The following PKD1L1 variants were observed in gnomAD, a reference collection of about 807,000 sequenced individuals.
The protein encoded by PKD1L1 is polycystin 1 like 1, transient receptor potential channel interacting, also known as polycystin-1-like protein 1.
In PKD1L1, 236 loss-of-function variants were observed where a neutral mutation model predicts 323.4. That is an observed-to-expected ratio of 0.73 (90% CI 0.66 to 0.81). PKD1L1 has a LOEUF of 0.81. PKD1L1 is among the 40% of genes least tolerant of loss of function. The probability of loss-of-function intolerance (pLI) is 0.00; values close to 1 mark genes in which losing one functional copy is unlikely to be tolerated. For synonymous variants in PKD1L1, 1,344 were observed against 1,335.0 expected, an observed-to-expected ratio of 1.01 and a Z score of -0.15; for missense variants, 3,320 against 3,508.0, an observed-to-expected ratio of 0.95 and a Z score of 1.35.
chr7:47,822,527 G>A (rs556375883), intron 45 of PKD1L1, among the ~76,000 whole-genome samples: 3 of 150,044 alleles, frequency 2.0e-5, no homozygotes, highest in Non-Finnish European at 3.0e-5. Flanking sequence ...CTCGGGAGGC[G>A]GAGGTTGCAG....
chr7:47,803,455 T>C, intron 52 of PKD1L1, 111 bp from the exon 53 acceptor site: 3 of 1,283,260 alleles, frequency 2.3e-6, no homozygotes, highest in Non-Finnish European at 3.2e-6. Flanking sequence ...GATGATGTTA[T>C]ATAGACCCAT....
intron 17 of PKD1L1, among the ~76,000 whole-genome samples, chr7:47,886,316 G>A (rs1176474261): frequency 2.2e-5 from 3 of 138,580 alleles, no homozygotes; most frequent in African/African-American, 9.9e-5. Flanking sequence ...CTTCCAAGTC[G>A]GGGGGGAGGG....
chr7:47,880,055 G>A (rs987135775), intron 21 of PKD1L1, among the ~76,000 whole-genome samples: 1 of 151,240 alleles, frequency 6.6e-6, no homozygotes, highest in African/African-American at 2.4e-5. Context: ...GATTGAGATA[G>A]GCATGGAAAC....
chr7:47,849,144 C>A (rs1031109625), intron 31 of PKD1L1, among the ~76,000 whole-genome samples: 1 of 152,112 alleles, frequency 6.6e-6, no homozygotes, highest in African/African-American at 2.4e-5. Flanking sequence ...TGGCTAGCCA[C>A]GTGTAGAAGA....
intron 6 of PKD1L1, among the ~76,000 whole-genome samples, chr7:47,930,127 G>A (rs1787737395): frequency 6.6e-6 from 1 of 152,078 alleles, no homozygotes; most frequent in Non-Finnish European, 1.5e-5. Flanking sequence ...ACCATTACGT[G>A]GCATAAACGA....
chr7:47,781,389 TTTTTTTTTTGTTTTGTTTTG>T (rs1454291897), intron 56 of PKD1L1, among the ~76,000 whole-genome samples: 5 of 117,130 alleles, frequency 4.3e-5, no homozygotes, highest in Non-Finnish European at 7.4e-5. Flanking sequence ...AACAAAAGGT[TTTTTTTTTTGTTTTGTTTTG>T]TTTTTTTTTT....
Position 47,873,671 on chromosome 7 carries a change from AG to A in PKD1L1, c.3896+227del, listed in dbSNP as rs1447117405. On this transcript the variant is annotated intron_variant, in intron 24 of 56. Transcript: ENST00000289672. ...TCTCAAAAAAAAAAAAAAAAAAAAA[AG>A]AAGGAGAAGAAAGTAGCTTTATAGG... is the stretch of plus-strand genomic sequence containing the variant. Among the ~76,000 whole-genome samples, 28,203 of 126,522 alleles carry A rather than the reference AG, an allele frequency of 0.22. 3,741 individuals carry two copies. Among genetic ancestry groups the A allele is most frequent in the African/African-American group, 0.28 (9,106 of 32,122 alleles). 83.0% of individuals were successfully genotyped at this position (126,522 alleles called of 152,430 possible).
intron 26 of PKD1L1, among the ~76,000 whole-genome samples, chr7:47,864,140 C>T (rs990668201): frequency 2.6e-5 from 4 of 152,078 alleles, no homozygotes; most frequent in Non-Finnish European, 4.4e-5. Context: ...CCGCCTGCAC[C>T]CATGCAGGCT....
rs1171077520 is a variant in PKD1L1, at chr7:47,815,327, A to C, written c.7089+7T>G. ...GATCTCCTATGAAGAGGAGACGGAA[A>C]GCTCACCTGAGCCCCCGGCACACGG... is the stretch of plus-strand genomic sequence containing the variant. On this transcript the variant is annotated splice_region_variant and intron_variant, in intron 47 of 56. Transcript: ENST00000289672. 1.9e-6 allele frequency: 3 copies of C among 1,612,406 alleles called. No individual in the cohort carries two copies. In the African/African-American group the frequency reaches 4.0e-5, roughly 22 times the overall value.
At chr7:47,956,861 G>A in the PKD1L1 span, 868 of 157,178 alleles carry the variant, frequency 5.5e-3, 10 homozygotes, top group Non-Finnish European at 6.2e-3. Flanking sequence ...GGTTGAATTC[G>A]TTGCTCAAAC....
intron 45 of PKD1L1, among the ~76,000 whole-genome samples, chr7:47,823,100 G>A (rs1448388553): frequency 6.6e-6 from 1 of 152,054 alleles, no homozygotes; most frequent in Non-Finnish European, 1.5e-5. Flanking sequence ...CCAATGTGAT[G>A]TTCAATAGGT....
At chr7:47,818,155 G>T (rs1562944810) in intron 46 of PKD1L1, 1 of 1,367,724 alleles carries the variant, frequency 7.3e-7, no homozygotes, top group Non-Finnish European at 9.8e-7. Flanking sequence ...GAGGCATCAG[G>T]AAAGGAGAAC....
chr7:47,847,583 T>G (rs1205811514), intron 31 of PKD1L1, among the ~76,000 whole-genome samples: 1 of 152,202 alleles, frequency 6.6e-6, no homozygotes, highest in Non-Finnish European at 1.5e-5. Flanking sequence ...ACTTTTTATA[T>G]TTAGAAGCAG....
Position 47,839,721 on chromosome 7 carries a change from C to T in PKD1L1, c.5553-59G>A. 6.7e-7 allele frequency: 1 copy of T among 1,487,830 alleles called. No individual in the cohort carries two copies. Among genetic ancestry groups the T allele is most frequent in the South Asian group, 1.3e-5 (1 of 79,332 alleles). 92.2% of individuals were successfully genotyped at this position (1,487,830 alleles called of 1,614,324 possible). On this transcript the variant is annotated intron_variant, in intron 35 of 56. Coordinates refer to ENST00000289672, the MANE Select transcript of PKD1L1 (RefSeq NM_138295.5). The surrounding 1 kb of genome is among the most constrained non-coding windows in gnomAD (Gnocchi z 4.3). ...GGGTGACAGTGTGGTCCTGGCATCCCATCAGCCCCAATGCTCACCCTCAAG... is the reference window on the plus strand; with the variant it reads ...GGGTGACAGTGTGGTCCTGGCATCCTATCAGCCCCAATGCTCACCCTCAAG...
chr7:47,812,066 A>C lies in PKD1L1; in HGVS notation c.7347-15T>G. 6.5e-7 allele frequency: 1 copy of C among 1,550,040 alleles called. No individual in the cohort carries two copies. Among genetic ancestry groups the C allele is most frequent in the East Asian group, 2.4e-5 (1 of 41,034 alleles). On this transcript the variant is annotated splice_polypyrimidine_tract_variant and intron_variant, in intron 49 of 56. Transcript: ENST00000289672. ...GGGCTTCAGTCCTGTAAAACAGCAC[A>C]CACTGGGGTAGGGCAGGGCAGGGAG...
At chr7:47,861,610 C>A (rs1376608270) in intron 26 of PKD1L1, among the ~76,000 whole-genome samples, 4 of 152,076 alleles carry the variant, frequency 2.6e-5, no homozygotes, top group African/African-American at 9.7e-5. Flanking sequence ...GGACTGGGTA[C>A]GGTGGCTCAC....
intron 24 of PKD1L1, among the ~76,000 whole-genome samples, chr7:47,871,440 G>C (rs1177735815): frequency 2.6e-5 from 4 of 152,176 alleles, no homozygotes; most frequent in African/African-American, 9.7e-5. Flanking sequence ...AGAAGGCTGT[G>C]ACCTCACATG....
chr7:47,855,541 T>A (rs1383684596), intron 28 of PKD1L1, among the ~76,000 whole-genome samples: 1 of 152,166 alleles, frequency 6.6e-6, no homozygotes, highest in African/African-American at 2.4e-5. Context: ...GCAAAAGAAA[T>A]ATCTGCTCAT....
chr7:47,833,360 TGGGC>T, intron 40 of PKD1L1, 108 bp from the exon 41 acceptor site: 1 of 1,285,688 alleles, frequency 7.8e-7, no homozygotes, highest in Non-Finnish European at 1.1e-6. Flanking sequence ...AGGCCTGGCA[TGGGC>T]GGGGTGTGGT....
Sources: gnomAD v4.1 joint callset for allele counts (sites outside exome capture counted in the v4.1 genomes callset) on GRCh38, gnomAD v4.1.1 for gene constraint, Gnocchi (gnomAD v3.1) non-coding constraint, MANE v1.5 for transcripts, NCBI Gene and HGNC (gene_info 2026-07-23, HGNC 2026-07-21) for gene names.